Variants in PRAMEF11 observed in about 807,000 individuals in gnomAD.
PRAMEF11 encodes PRAME family member 11.
Under a neutral mutation model 33.6 loss-of-function variants are expected in PRAMEF11, and 17 were observed. That is an observed-to-expected ratio of 0.51 (90% confidence interval 0.35 to 0.76). PRAMEF11 has a LOEUF of 0.76. PRAMEF11 is among the 30% of genes least tolerant of loss of function. The pLI is 0.01. For synonymous variants in PRAMEF11, 205 were observed against 227.3 expected (o/e 0.90, Z 0.88); for missense variants, 568 against 567.0 (o/e 1.00, Z -0.02).
Position 12,827,501 on chromosome 1 carries a change from C to G in PRAMEF11, c.623G>C (p.Cys208Ser), listed in dbSNP as rs762057347. The G allele has an allele frequency of 6.2e-7, 1 of 1,611,186 alleles. No homozygotes were observed. The highest frequency in any genetic ancestry group is 2.2e-5 in the East Asian group (1 of 44,550). Residue 208 changes from cysteine to serine, a missense_variant, in exon 3 of 4, where the codon TGT becomes TCT. Around this residue, in one of 3 missense-constraint regions of PRAMEF11, gnomAD observed 342 missense variants for 312.0 expected, o/e 1.10. Coordinates refer to ENST00000619922, the MANE Select transcript of PRAMEF11 (RefSeq NM_001146344.3). The stretch of plus-strand genomic sequence containing the variant: ...GCAATTCACTTCCACCTCCTGGATA[C>G]AGTCTAGGTTCACCATTTTCAGGAT... ...RSILKMVNLD[C>S]IQEVEVNCKW...
intron 1 of PRAMEF11, 88 bp downstream of exon 1, chr1:12,831,268 C>T (rs1268861689): frequency 1.3e-5 from 2 of 151,252 alleles, no homozygotes; most frequent in African/African-American, 2.4e-5. Context: ...GGATATAGCT[C>T]TGTGCCATCG....
chr1:12,828,515 G>T lies in PRAMEF11; in HGVS notation c.275C>A (p.Thr92Asn), dbSNP rs755661194. Residue 92 changes from threonine to asparagine, a missense_variant, in exon 2 of 4, where the codon ACC becomes AAC. This residue lies in a region of PRAMEF11 where 342 missense variants were observed against 312.0 expected (regional missense o/e 1.10). Coordinates refer to ENST00000619922, the MANE Select transcript of PRAMEF11 (RefSeq NM_001146344.3). Reference protein sequence around the residue: ...AVLDGLDALLTQGVRPRRWKL... With the variant: ...AVLDGLDALLNQGVRPRRWKL... ...ACCTCACCTGGGACGAACCCCTTGG[G>T]TAAGCAGTGCATCCAGCCCATCGAG... The T allele has an allele frequency of 2.2e-5, 36 of 1,600,372 alleles. No homozygotes were observed. Among genetic ancestry groups the T allele is most frequent in the African/African-American group, 1.6e-4 (12 of 73,494 alleles).
chr1:12,826,230 T>C (rs1366542857), intron 3 of PRAMEF11, among the ~76,000 whole-genome samples: 2 of 150,984 alleles, frequency 1.3e-5, no homozygotes, highest in Non-Finnish European at 3.0e-5. Context: ...AAACCATCTA[T>C]CACTTTCATC....
rs553920307 is a variant in PRAMEF11 at position 12,825,145 on chromosome 1, G to C, written c.1234C>G (p.Leu412Val). ...SHTIILKNLC[L>V]ELYPAPQESY... ...TCCTGCGGGGCAGGATACAGCTCCA[G>C]GCATAAGTTTTTGAGTATGATTGTG... The change falls in exon 4 of 4, where the codon CTG (leucine) becomes GTG (valine). Residue 412 changes from leucine (L) to valine (V), a missense_variant. Coordinates refer to ENST00000619922, the MANE Select transcript of PRAMEF11 (RefSeq NM_001146344.3). The C allele has an allele frequency of 7.8e-5, 126 of 1,609,134 alleles. 2 individuals are homozygous for C. The African/African-American group carries it at 9.2e-4, about 12-fold the overall frequency.
chr1:12,828,347 G>T lies in PRAMEF11; in HGVS notation c.293+150C>A, dbSNP rs2637934. Reference sequence around the variant, plus strand: ...CTCTATGGACCTTGCCTGGTGAGCAGTGCTTTCCCTGAGGAGCTGGTGAAT... The same window carrying T: ...CTCTATGGACCTTGCCTGGTGAGCATTGCTTTCCCTGAGGAGCTGGTGAAT... On this transcript the variant is annotated intron_variant, in intron 2 of 3. Transcript: ENST00000619922. 4 of 1,385,874 alleles carry T rather than the reference G, an allele frequency of 2.9e-6. 1 individual carries two copies. Among genetic ancestry groups the T allele is most frequent in the East Asian group, 5.0e-5 (2 of 39,860 alleles). The allele number at this position is 1,385,874 out of a possible 1,614,324, so 85.8% of individuals were successfully genotyped here.
chr1:12,828,100 C>T (rs1476103475), intron 2 of PRAMEF11, among the ~76,000 whole-genome samples: 3 of 149,998 alleles, frequency 2.0e-5, no homozygotes, highest in Non-Finnish European at 3.0e-5. Flanking sequence ...ATTCTCCTGC[C>T]TCAACCTCAC....
In PRAMEF11 at chr1:12,827,971, C is replaced by T; in HGVS notation, c.294-141G>A. On this transcript the variant is annotated intron_variant, in intron 2 of 3. Transcript: ENST00000619922. ...CTTCACCCTGTTTTCCCCTTGGATC[C>T]TACCCACTTCCACATTTTTTTGTTT... 3.4e-6 allele frequency: 5 copies of T among 1,449,852 alleles called. No individual in the cohort carries two copies. The South Asian group carries it at 5.3e-5, about 15-fold the overall frequency. 89.8% of individuals were successfully genotyped at this position (1,449,852 alleles called of 1,614,324 possible).
At position 12,825,308 on chromosome 1, in the gene PRAMEF11, C is replaced by G. The variant is rs1569780622; in HGVS notation, c.1071G>C (p.Leu357=). ...CTATGATGCCACAGTCATCTAAATCCAGGTACTCAAGGGTGGCTGCAACTT... is the reference window on the plus strand; with the variant it reads ...CTATGATGCCACAGTCATCTAAATCGAGGTACTCAAGGGTGGCTGCAACTT... The part of the protein sequence containing the change: ...LEKVAATLEY[L]DLDDCGIIDS... Residue 357 remains leucine, a synonymous_variant, in exon 4 of 4, where the codon CTG becomes CTC. Coordinates refer to ENST00000619922, the MANE Select transcript of PRAMEF11 (RefSeq NM_001146344.3). The G allele has an allele frequency of 6.3e-7, 1 of 1,596,140 alleles. No homozygotes were observed. Among genetic ancestry groups the G allele is most frequent in the Middle Eastern group, 2.3e-4 (1 of 4,412 alleles).
At position 12,827,142 on chromosome 1, in the gene PRAMEF11, C is replaced by T. The variant is rs1279468166; in HGVS notation, c.875+107G>A. ...ACAATGCATGGACATTCTAGTGTCC[C>T]CTTCACTGTTACATCCTCATAGGCT... On this transcript the variant is annotated intron_variant, in intron 3 of 3. Transcript: ENST00000619922. 7 of 1,573,486 alleles carry T rather than the reference C, an allele frequency of 4.4e-6. No homozygotes were observed. The African/African-American group carries it at 6.7e-5, about 15-fold the overall frequency.
chr1:12,829,969 G>T (rs948503218), intron 1 of PRAMEF11, among the ~76,000 whole-genome samples: 5 of 151,418 alleles, frequency 3.3e-5, no homozygotes, highest in African/African-American at 1.2e-4. Flanking sequence ...GATCGAATTA[G>T]ATATTCATCC....
Position 12,824,749 on chromosome 1 carries a change from A to C in PRAMEF11, c.*193T>G. 1 of 871,586 alleles carries C rather than the reference A, an allele frequency of 1.1e-6. No homozygotes were observed. Among genetic ancestry groups the C allele is most frequent in the East Asian group, 2.8e-5 (1 of 35,398 alleles). 54.0% of individuals were successfully genotyped at this position (871,586 alleles called of 1,614,324 possible). On this transcript the variant is annotated 3_prime_UTR_variant, in exon 4 of 4. Transcript: ENST00000619922. ...GACTCTACAGGATACAGGTTCCCAA[A>C]GTCCCATTGAATCCATGGCAACATT...
chr1:12,827,653 G>T lies in PRAMEF11; in HGVS notation c.471C>A (p.Leu157=). 6.2e-7 allele frequency: 1 copy of T among 1,609,540 alleles called. No homozygotes were observed. The highest frequency in any genetic ancestry group is 2.3e-5 in the East Asian group (1 of 44,388). The change falls in exon 3 of 4, where the codon CTC becomes CTA. Residue 157 remains leucine, a synonymous_variant. Coordinates refer to ENST00000619922, the MANE Select transcript of PRAMEF11 (RefSeq NM_001146344.3). Reference sequence around the variant, plus strand: ...GGTATTCATCCAGAGTCCTGTTCTTGAGCCAAAGTTCTACAAACACAGTCA... The same window carrying T: ...GGTATTCATCCAGAGTCCTGTTCTTTAGCCAAAGTTCTACAAACACAGTCA... ...QPLTVFVELW[L]KNRTLDEYLT...
Position 12,828,800 on chromosome 1 carries a change from G to A in PRAMEF11, c.-11C>T. ...GATGCTCATCTTCATGAATCTGCAGGGAAAACTTCCAGAGGACAAACCCAG... is the reference window on the plus strand; with the variant it reads ...GATGCTCATCTTCATGAATCTGCAGAGAAAACTTCCAGAGGACAAACCCAG... On this transcript the variant is annotated 5_prime_UTR_variant, in exon 2 of 4. Transcript: ENST00000619922. 1 of 1,609,050 alleles carries A rather than the reference G, an allele frequency of 6.2e-7. No individual in the cohort carries two copies. Among genetic ancestry groups the A allele is most frequent in the East Asian group, 2.3e-5 (1 of 44,432 alleles).
At chr1:12,826,307 T>C (rs1445406266) in intron 3 of PRAMEF11, among the ~76,000 whole-genome samples, 1 of 140,104 alleles carries the variant, frequency 7.1e-6, no homozygotes, top group African/African-American at 2.5e-5. Flanking sequence ...TTAATTTACC[T>C]GGAGCTCAAA....
chr1:12,827,853 C>T lies in PRAMEF11; in HGVS notation c.294-23G>A, dbSNP rs746887637. 1.9e-6 allele frequency: 3 copies of T among 1,605,330 alleles called. No homozygotes were observed. In the South Asian group the frequency reaches 3.3e-5, roughly 18 times the overall value. On this transcript the variant is annotated intron_variant, in intron 2 of 3. Transcript: ENST00000619922. ...CTCCTGTGGGAAAATAGAGGTGAGACTGAGAATTTAAGAACTCATTTCTGA... is the reference window on the plus strand; with the variant it reads ...CTCCTGTGGGAAAATAGAGGTGAGATTGAGAATTTAAGAACTCATTTCTGA...
rs530388371 is a variant in PRAMEF11 at position 12,826,404 on chromosome 1, G to A, written c.875+845C>T. Reference sequence around the variant, plus strand: ...AAAGCTGATTTTCTGACATGTGCAGGTTTGCTGAGCATTCCCCTCTTCAGT... The same window carrying A: ...AAAGCTGATTTTCTGACATGTGCAGATTTGCTGAGCATTCCCCTCTTCAGT... On this transcript the variant is annotated intron_variant, in intron 3 of 3. Coordinates refer to ENST00000619922, the MANE Select transcript of PRAMEF11 (RefSeq NM_001146344.3). Among the ~76,000 whole-genome samples the A allele has an allele frequency of 3.1e-4, 47 of 151,322 alleles. 1 individual carries two copies. The highest frequency in any genetic ancestry group is 1.1e-3 in the Admixed American group (17 of 15,102).
Position 12,826,650 on chromosome 1 carries a change from T to C in PRAMEF11, c.875+599A>G, listed in dbSNP as rs1011026166. 9.1e-4 allele frequency among the ~76,000 whole-genome samples: 137 copies of C among 149,852 alleles called. 4 individuals carry two copies. Among genetic ancestry groups the C allele is most frequent in the African/African-American group, 4.7e-4 (19 of 40,256 alleles). On this transcript the variant is annotated intron_variant, in intron 3 of 3. Coordinates refer to ENST00000619922, the MANE Select transcript of PRAMEF11 (RefSeq NM_001146344.3). ...GGTGGCCCACGCCTGTAATCCCAGG[T>C]ACTCAGGAGGCTGAGGCAGGAGAAT...
chr1:12,829,427 A>C (rs1191819678), intron 1 of PRAMEF11, among the ~76,000 whole-genome samples: 1 of 148,228 alleles, frequency 6.7e-6, no homozygotes, highest in African/African-American at 2.5e-5. Flanking sequence ...TCTTTCTGAC[A>C]GGGTCTTGCT....
At position 12,825,124 on chromosome 1, in the gene PRAMEF11, G is replaced by C. The variant is rs774133470; in HGVS notation, c.1255C>G (p.Gln419Glu). 1 of 1,609,506 alleles carries C rather than the reference G, an allele frequency of 6.2e-7. No individual in the cohort carries two copies. Residue 419 changes from glutamine (Q) to glutamate (E), a missense_variant, in exon 4 of 4, where the codon CAG (glutamine) becomes GAG (glutamate). Physicochemically the swap from Gln to Glu is conservative, Grantham distance 29. Coordinates refer to ENST00000619922, the MANE Select transcript of PRAMEF11 (RefSeq NM_001146344.3). ...GTACCATCAGCACCATAACTTTCCT[G>C]CGGGGCAGGATACAGCTCCAGGCAT... ...NLCLELYPAP[Q>E]ESYGADGTLC...
Sources: gnomAD v4.1 joint callset for allele counts (sites outside exome capture counted in the v4.1 genomes callset) on GRCh38, gnomAD v4.1.1 for gene constraint, gnomAD v4.1.1 regional missense constraint, MANE v1.5 for transcripts, NCBI Gene and HGNC (gene_info 2026-07-23, HGNC 2026-07-21) for gene names.